Variants in NAV2 observed in about 807,000 individuals in gnomAD.
NAV2 encodes helicase, APC down-regulated 1.
In NAV2, 54 loss-of-function variants were observed where a neutral mutation model predicts 223.2. The observed-to-expected ratio is 0.24, with a 90% CI of 0.19 to 0.30. The LOEUF is 0.30. Among genes scored for constraint, NAV2 ranks in the 10% least tolerant of loss-of-function variants. NAV2 has a pLI of 1.00. For missense variants in NAV2, 2,806 were observed against 3,147.5 expected (o/e 0.89, Z 2.60); for synonymous variants, 1,279 against 1,239.3 (o/e 1.03, Z -0.67).
intron 22 of NAV2, among the ~76,000 whole-genome samples, chr11:20,073,402 T>G (rs1482170314): frequency 6.6e-6 from 1 of 152,196 alleles, no homozygotes; most frequent in Non-Finnish European, 1.5e-5. Flanking sequence ...TTTTCTTTTT[T>G]TGTTTTGTCT....
At chr11:19,725,041 G>A (rs138751666) in intron 1 of NAV2, among the ~76,000 whole-genome samples, 125 of 152,346 alleles carry the variant, frequency 8.2e-4, no homozygotes, top group African/African-American at 3.0e-3. Flanking sequence ...GTTCATGTAT[G>A]TAAAAGTGTG....
chr11:19,423,109 C>T (rs1336354536), intron 1 of NAV2, among the ~76,000 whole-genome samples: 1 of 152,132 alleles, frequency 6.6e-6, no homozygotes, highest in Non-Finnish European at 1.5e-5. Context: ...ACAGTAAATA[C>T]TCATTTGTAT....
intron 1 of NAV2, among the ~76,000 whole-genome samples, chr11:19,404,294 G>A (rs1184073695): frequency 6.6e-6 from 1 of 152,150 alleles, no homozygotes; most frequent in African/African-American, 2.4e-5. Context: ...AGTCAAGTGA[G>A]GTGCACCTGG....
intron 1 of NAV2, among the ~76,000 whole-genome samples, chr11:19,750,835 G>A (rs1056017455): frequency 2.8e-4 from 43 of 152,100 alleles, no homozygotes; most frequent in African/African-American, 9.9e-4. Context: ...TTATTGAGTC[G>A]GCATTGCTGC....
chr11:19,812,889 C>T (rs1241794533), intron 1 of NAV2, among the ~76,000 whole-genome samples: 3 of 152,162 alleles, frequency 2.0e-5, no homozygotes, highest in Non-Finnish European at 4.4e-5. Context: ...GCAACTCTTG[C>T]ACAAATTGCA....
At chr11:19,910,192 T>A (rs1051579310) in intron 6 of NAV2, among the ~76,000 whole-genome samples, 1 of 152,240 alleles carries the variant, frequency 6.6e-6, no homozygotes, top group Admixed American at 6.5e-5. Context: ...GGGCCAGTGT[T>A]GACATTTGAA....
At chr11:19,354,422 G>A (rs1247130983) in intron 1 of NAV2, among the ~76,000 whole-genome samples, 1 of 152,236 alleles carries the variant, frequency 6.6e-6, no homozygotes, top group Non-Finnish European at 1.5e-5. Context: ...CATGTGGCTA[G>A]GGGCCACTGT....
chr11:19,470,554 T>C (rs1271274215), intron 1 of NAV2, among the ~76,000 whole-genome samples: 1 of 152,226 alleles, frequency 6.6e-6, no homozygotes, highest in African/African-American at 2.4e-5. Flanking sequence ...AAATCTGTTC[T>C]TGTGATAATA....
Position 19,953,849 on chromosome 11 carries a change from A to ACATG in NAV2, c.2645+4770_2645+4771insATGC, listed in dbSNP as rs1555167180. 2.4e-5 allele frequency among the ~76,000 whole-genome samples: 3 copies of ACATG among 126,404 alleles called. No individual in the cohort carries two copies. The South Asian group carries it at 6.7e-4, about 28-fold the overall frequency. The allele number at this position is 126,404 out of a possible 152,430, so 82.9% of individuals were successfully genotyped here. On this transcript the variant is annotated intron_variant, in intron 10 of 37. Coordinates refer to ENST00000349880, the MANE Select transcript of NAV2 (RefSeq NM_145117.5). ...AATCTGAGATGCACAAGAAATGTGC[A>ACATG]CGCGCGCGCGTGTGTGTGTGTGTGT...
intron 1 of NAV2, among the ~76,000 whole-genome samples, chr11:19,656,907 A>T (rs563668360): frequency 6.6e-6 from 1 of 152,276 alleles, no homozygotes. Flanking sequence ...AGAATCAAGG[A>T]TATCACCTAG....
In NAV2 at chr11:20,118,262, G is replaced by T. The variant is rs1355527740; in HGVS notation, c.*4G>T. 2.5e-6 allele frequency: 4 copies of T among 1,613,500 alleles called. No individual in the cohort carries two copies. Among genetic ancestry groups the T allele is most frequent in the Non-Finnish European group, 3.4e-6 (4 of 1,179,840 alleles). Reference sequence around the variant, plus strand: ...CTCTTTGGAGTCCACTCTGTGACAGGGGCCCGGAGCCCAGCGCCCTCCTCT... The same window carrying T: ...CTCTTTGGAGTCCACTCTGTGACAGTGGCCCGGAGCCCAGCGCCCTCCTCT... On this transcript the variant is annotated 3_prime_UTR_variant, in exon 38 of 38. Coordinates refer to ENST00000349880, the MANE Select transcript of NAV2 (RefSeq NM_145117.5).
chr11:19,387,689 A>G (rs1357121134), intron 1 of NAV2, among the ~76,000 whole-genome samples: 2 of 152,160 alleles, frequency 1.3e-5, no homozygotes, highest in East Asian at 3.9e-4. Flanking sequence ...GAGCCATTTT[A>G]ATGCCAGTGA....
At chr11:19,459,290 C>T (rs1365757945) in intron 1 of NAV2, among the ~76,000 whole-genome samples, 2 of 152,232 alleles carry the variant, frequency 1.3e-5, no homozygotes, top group Non-Finnish European at 2.9e-5. Flanking sequence ...CATCTTTCCT[C>T]TCTGTGAGCT....
At chr11:19,393,895 G>GTTTTTTTTTTTTTTT (rs5790072) in intron 1 of NAV2, among the ~76,000 whole-genome samples, 4 of 136,232 alleles carry the variant, frequency 2.9e-5, no homozygotes, top group Non-Finnish European at 3.1e-5. Context: ...TAACTTAAGG[G>GTTTTTTTTTTTTTTT]TTTTTTTTTT....
chr11:20,044,286 G>A lies in NAV2; in HGVS notation c.3199+14G>A. 1.9e-6 allele frequency: 3 copies of A among 1,598,576 alleles called. No individual in the cohort carries two copies. Among genetic ancestry groups the A allele is most frequent in the Non-Finnish European group, 2.6e-6 (3 of 1,169,080 alleles). ...CCCCAGGAACTGGTAAGAGGCCGGG[G>A]CTGTCTTGGCCCTACAGTTGACATT... On this transcript the variant is annotated intron_variant, in intron 13 of 37. Coordinates refer to ENST00000349880, the MANE Select transcript of NAV2 (RefSeq NM_145117.5).
chr11:19,408,191 T>A (rs1849985579), intron 1 of NAV2, among the ~76,000 whole-genome samples: 1 of 152,188 alleles, frequency 6.6e-6, no homozygotes, highest in Non-Finnish European at 1.5e-5. Flanking sequence ...CTCTTTCTAA[T>A]GGTGGATTTG....
chr11:19,729,695 T>C (rs2152409751), intron 1 of NAV2, among the ~76,000 whole-genome samples: 1 of 152,220 alleles, frequency 6.6e-6, no homozygotes, highest in East Asian at 1.9e-4. Context: ...ATAGGAGATG[T>C]TGAGTGCCAT....
At chr11:19,694,836 T>A (rs987041945) in intron 1 of NAV2, among the ~76,000 whole-genome samples, 5 of 152,220 alleles carry the variant, frequency 3.3e-5, no homozygotes, top group African/African-American at 4.8e-5. Flanking sequence ...TAGCTCTCCC[T>A]TGTACCTCTC....
chr11:19,698,487 G>A (rs776581471), intron 1 of NAV2, among the ~76,000 whole-genome samples: 29 of 152,208 alleles, frequency 1.9e-4, no homozygotes, highest in Non-Finnish European at 4.0e-4. Flanking sequence ...GCTTTCCCAA[G>A]GTCACCCGGA....
Sources: allele counts gnomAD v4.1 joint callset (sites outside exome capture counted in the v4.1 genomes callset), GRCh38; gene constraint gnomAD v4.1.1; transcripts MANE v1.5; gene names NCBI Gene and HGNC (gene_info 2026-07-23, HGNC 2026-07-21).